The following VPS35L variants were observed in gnomAD, a reference collection of about 807,000 sequenced individuals.
VPS35L encodes VPS35 endosomal protein sorting factor like, also known as VPS35 endosomal protein-sorting factor-like.
In VPS35L, 83 loss-of-function variants were observed where a neutral mutation model predicts 133.0. The observed-to-expected ratio is 0.62, with a 90% CI of 0.52 to 0.75. VPS35L has a LOEUF of 0.75. Ranked by LOEUF, VPS35L falls within the 30% of genes least tolerant of loss-of-function variation. The pLI, the probability that VPS35L is intolerant of heterozygous loss-of-function variation, is 0.00. For missense variants in VPS35L, 1,083 were observed against 1,206.8 expected (o/e 0.90, Z 1.52); for synonymous variants, 423 against 449.9 (o/e 0.94, Z 0.76).
intron 29 of VPS35L, among the ~76,000 whole-genome samples, chr16:19,697,649 T>C (rs2151632200): frequency 6.6e-6 from 1 of 151,214 alleles, no homozygotes; most frequent in East Asian, 2.0e-4. Context: ...AAGTTGGTTT[T>C]AGCCACCGAG....
chr16:19,684,087 A>G (rs1483917749), intron 28 of VPS35L, among the ~76,000 whole-genome samples: 3 of 152,186 alleles, frequency 2.0e-5, no homozygotes, highest in Admixed American at 6.5e-5. Flanking sequence ...ACTGCTCCTC[A>G]GATGATGCCA....
Position 19,610,328 on chromosome 16 carries a change from T to C in VPS35L, c.936T>C (p.Ile312=), listed in dbSNP as rs747462045. The C allele has an allele frequency of 3.1e-6, 5 of 1,613,906 alleles. No individual in the cohort carries two copies. In the Admixed American group the frequency reaches 8.3e-5, roughly 27 times the overall value. Residue 312 remains isoleucine, a synonymous_variant, in exon 12 of 31, where the codon ATT becomes ATC. Transcript: ENST00000417362. ...KCNKFLSKTG[I]SECLPRLTCM... ...CTGTTTTTGTCTCTTGCAGGGGAAT[T>C]TCAGAGTGCCTGCCCCGGTTGACAT...
intron 12 of VPS35L, among the ~76,000 whole-genome samples, chr16:19,614,273 C>T (rs1188430040): frequency 6.6e-6 from 1 of 152,180 alleles, no homozygotes; most frequent in African/African-American, 2.4e-5. Flanking sequence ...TCCTTGAAAA[C>T]AGCACTTCCT....
At position 19,699,224 on chromosome 16, in the gene VPS35L, T is replaced by G. The variant is rs1976022138; in HGVS notation, c.2647-278T>G. 6.6e-6 allele frequency among the ~76,000 whole-genome samples: 1 copy of G among 152,202 alleles called. No individual in the cohort carries two copies. The highest frequency in any genetic ancestry group is 2.1e-4 in the South Asian group (1 of 4,834). Reference sequence around the variant, plus strand: ...TTCATTCCTCGACCTCACTGACTGGTGAGTTTCTTCCATTTCATGAGTAAT... The same window carrying G: ...TTCATTCCTCGACCTCACTGACTGGGGAGTTTCTTCCATTTCATGAGTAAT... On this transcript the variant is annotated intron_variant, in intron 29 of 30. Transcript: ENST00000417362. The surrounding 1 kb of genome is among the most constrained non-coding windows in gnomAD (Gnocchi z 4.2).
chr16:19,643,064 A>G (rs1973834464), intron 22 of VPS35L, among the ~76,000 whole-genome samples: 1 of 152,260 alleles, frequency 6.6e-6, no homozygotes, highest in African/African-American at 2.4e-5. Context: ...AAATGTTACA[A>G]GAATGGAGAA....
At chr16:19,569,012 A>G (rs975805263) in intron 2 of VPS35L, among the ~76,000 whole-genome samples, 1 of 152,164 alleles carries the variant, frequency 6.6e-6, no homozygotes, top group African/African-American at 2.4e-5. Flanking sequence ...TAAAGTAGAA[A>G]TTCCCTACTT....
At chr16:19,579,238 G>T in intron 6 of VPS35L, 110 bp downstream of exon 6, 1 of 1,008,692 alleles carries the variant, frequency 9.9e-7, no homozygotes, top group South Asian at 1.6e-5. Flanking sequence ...GCTGCGCATT[G>T]TGCTTGGTCC....
At chr16:19,629,323 G>T (rs1033706322) in intron 17 of VPS35L, among the ~76,000 whole-genome samples, 1 of 152,064 alleles carries the variant, frequency 6.6e-6, no homozygotes, top group Non-Finnish European at 1.5e-5. Flanking sequence ...TTTCCCTAAA[G>T]AAATCTATTT....
chr16:19,598,230 T>C (rs1291973021), intron 8 of VPS35L, among the ~76,000 whole-genome samples: 1 of 152,198 alleles, frequency 6.6e-6, no homozygotes, highest in East Asian at 1.9e-4. Flanking sequence ...TATAATGTCT[T>C]TCCTTTTCTA....
chr16:19,657,507 G>T (rs1420554696), intron 26 of VPS35L, among the ~76,000 whole-genome samples: 1 of 152,084 alleles, frequency 6.6e-6, no homozygotes, highest in Non-Finnish European at 1.5e-5. Flanking sequence ...TCTCCATTAT[G>T]CTTATCACTG....
intron 12 of VPS35L, chr16:19,611,665 T>G (rs1347958862): frequency 3.3e-5 from 5 of 152,088 alleles, no homozygotes; most frequent in African/African-American, 4.8e-5. Context: ...TAGGTCTGTT[T>G]CTTGATACTG....
rs549174497 is a variant in VPS35L, at chr16:19,600,855, T to C, written c.725-809T>C. Among the ~76,000 whole-genome samples, 16 of 152,336 alleles carry C rather than the reference T, an allele frequency of 1.1e-4. No individual in the cohort carries two copies. In the East Asian group the frequency reaches 3.1e-3, roughly 29 times the overall value. ...CTAGCTGTGTTATCCTATAGAGATA[T>C]CGCCACATTTTTGACATATTTTATG... On this transcript the variant is annotated intron_variant, in intron 8 of 30. Transcript: ENST00000417362.
At chr16:19,597,223 T>C (rs9939708) in intron 8 of VPS35L, among the ~76,000 whole-genome samples, 3,866 of 151,720 alleles carry the variant, frequency 0.025, 174 homozygotes, top group African/African-American at 0.089. Context: ...TTAAAAAAAA[T>C]AGCTAGGTTT....
chr16:19,594,184 A>G (rs943382070), intron 8 of VPS35L, among the ~76,000 whole-genome samples: 1 of 152,148 alleles, frequency 6.6e-6, no homozygotes, highest in African/African-American at 2.4e-5. Flanking sequence ...CCCAAAACTA[A>G]AAGAGTGATA....
Position 19,650,437 on chromosome 16 carries a change from G to C in VPS35L, c.2084G>C (p.Arg695Thr). The C allele has an allele frequency of 3.1e-6, 5 of 1,613,780 alleles. No homozygotes were observed. Among genetic ancestry groups the C allele is most frequent in the Non-Finnish European group, 4.2e-6 (5 of 1,179,692 alleles). The change falls in exon 25 of 31, where the codon AGA becomes ACA. Residue 695 changes from arginine to threonine, a missense_variant. Transcript: ENST00000417362. ...TRKVMKGNHSRKTAAFVRACV... is the reference protein window; with the variant it reads ...TRKVMKGNHSTKTAAFVRACV... Reference sequence around the variant, plus strand: ...AAAGTAATGAAAGGAAATCATTCCAGAAAGACAGCTGCATTTGTCCGGGTA... The same window carrying C: ...AAAGTAATGAAAGGAAATCATTCCACAAAGACAGCTGCATTTGTCCGGGTA...
At chr16:19,659,368 C>G (rs769395010) in intron 26 of VPS35L, among the ~76,000 whole-genome samples, 1 of 152,008 alleles carries the variant, frequency 6.6e-6, no homozygotes, top group African/African-American at 2.4e-5. Context: ...AGTGCAGGAG[C>G]CTTCTGATGG....
intron 22 of VPS35L, among the ~76,000 whole-genome samples, chr16:19,644,134 C>T (rs1973869131): frequency 6.6e-6 from 1 of 151,732 alleles, no homozygotes; most frequent in South Asian, 2.1e-4. Context: ...CTATTTATTC[C>T]CCAAATAACT....
intron 18 of VPS35L, 93 bp from the exon 19 acceptor site, chr16:19,632,999 A>G: frequency 1.1e-6 from 1 of 887,912 alleles, no homozygotes; most frequent in Non-Finnish European, 1.9e-6. Flanking sequence ...GGTGTGTGAT[A>G]TATTCTGAAT....
At position 19,650,491 on chromosome 16, in the gene VPS35L, C is replaced by T. The variant is rs117828834; in HGVS notation, c.2106+32C>T. ...TCTTAAGATAAGGACTGTTGGACCT[C>T]GAACTCCAGTGGGCTGTTTAGTTTG... On this transcript the variant is annotated intron_variant, in intron 25 of 30. Coordinates refer to ENST00000417362, the MANE Select transcript of VPS35L (RefSeq NM_020314.7). 107 of 1,540,512 alleles carry T rather than the reference C, an allele frequency of 6.9e-5. 2 individuals are homozygous for T. In the East Asian group the frequency reaches 1.4e-3, roughly 19 times the overall value.
Sources: gnomAD v4.1 joint callset for allele counts (sites outside exome capture counted in the v4.1 genomes callset) on GRCh38, gnomAD v4.1.1 for gene constraint, Gnocchi (gnomAD v3.1) non-coding constraint, MANE v1.5 for transcripts, NCBI Gene and HGNC (gene_info 2026-07-23, HGNC 2026-07-21) for gene names.